The following PPP4R3A variants were observed in gnomAD, a reference collection of about 807,000 sequenced individuals.
The protein encoded by PPP4R3A is protein phosphatase 4 regulatory subunit 3A, also known as serine/threonine-protein phosphatase 4 regulatory subunit 3A.
A neutral mutation model predicts 91.7 loss-of-function variants in PPP4R3A; 15 were observed. That is an observed-to-expected ratio of 0.16 (90% CI 0.11 to 0.25). The LOEUF is 0.25. Ranked by LOEUF, PPP4R3A falls within the 10% of genes least tolerant of loss-of-function variation. The pLI, the probability that PPP4R3A is intolerant of heterozygous loss-of-function variation, is 1.00. For missense variants in PPP4R3A, 623 were observed against 998.4 expected (o/e 0.62, Z 5.07); for synonymous variants, 377 against 348.7 (o/e 1.08, Z -0.91).
Position 91,487,899 on chromosome 14 carries a change from G to A in PPP4R3A, c.199-2169C>T, listed in dbSNP as rs182934041. Among the ~76,000 whole-genome samples, 16 of 152,302 alleles carry A rather than the reference G, an allele frequency of 1.1e-4. No individual in the cohort carries two copies. The East Asian group carries it at 2.3e-3, about 22-fold the overall frequency. ...GCCCAATGTTTGTATTTTTTGTAGA[G>A]GCGGAGTTATGCCATGTTGCCCAGG... is the stretch of plus-strand genomic sequence containing the variant. On this transcript the variant is annotated intron_variant, in intron 2 of 14. Coordinates refer to ENST00000554943, the MANE Select transcript of PPP4R3A (RefSeq NM_001366432.2).
chr14:91,478,194 C>G (rs1479449872), intron 4 of PPP4R3A, among the ~76,000 whole-genome samples: 1 of 152,184 alleles, frequency 6.6e-6, no homozygotes, highest in Non-Finnish European at 1.5e-5. Context: ...ATGATCTTGA[C>G]CATGTTTGCT....
chr14:91,495,450 G>A (rs1890499326), intron 1 of PPP4R3A, among the ~76,000 whole-genome samples: 1 of 151,984 alleles, frequency 6.6e-6, no homozygotes, highest in Admixed American at 6.6e-5. Flanking sequence ...GAGTAGCTGG[G>A]ACTACAGGCA....
At chr14:91,478,220 A>G (rs1238262983) in intron 4 of PPP4R3A, among the ~76,000 whole-genome samples, 1 of 152,232 alleles carries the variant, frequency 6.6e-6, no homozygotes, top group Non-Finnish European at 1.5e-5. Context: ...AATGGCATCC[A>G]ATTTCAAGAC....
At chr14:91,469,597 GTCTC>G (rs1214461815) in intron 10 of PPP4R3A, among the ~76,000 whole-genome samples, 2 of 152,198 alleles carry the variant, frequency 1.3e-5, no homozygotes, top group African/African-American at 4.8e-5. Context: ...GGGAGACAGT[GTCTC>G]TCTGTTGCCC....
intron 5 of PPP4R3A, among the ~76,000 whole-genome samples, 187 bp downstream of exon 5, chr14:91,476,722 T>C (rs113112338): frequency 6.6e-6 from 1 of 152,196 alleles, no homozygotes; most frequent in Non-Finnish European, 1.5e-5. Flanking sequence ...CCCGCCACCA[T>C]GCTTGGCTAA....
Position 91,457,738 on chromosome 14 carries a change from A to G in PPP4R3A, c.*1021T>C, listed in dbSNP as rs1324314617. ...AGAAATTTCAGAATCTCTTTGGAATACTAATTTCATGTTTCTAGATTTAAC... is the reference window on the plus strand; with the variant it reads ...AGAAATTTCAGAATCTCTTTGGAATGCTAATTTCATGTTTCTAGATTTAAC... On this transcript the variant is annotated 3_prime_UTR_variant, in exon 15 of 15. Coordinates refer to ENST00000554943, the MANE Select transcript of PPP4R3A (RefSeq NM_001366432.2). 6.6e-6 allele frequency: 1 copy of G among 152,662 alleles called. No homozygotes were observed. The highest frequency in any genetic ancestry group is 1.5e-5 in the Non-Finnish European group (1 of 68,032). The allele number at this position is 152,662 out of a possible 1,614,324, so 9.5% of individuals were successfully genotyped here.
chr14:91,481,189 G>C (rs966124532), intron 4 of PPP4R3A, among the ~76,000 whole-genome samples: 2 of 152,162 alleles, frequency 1.3e-5, no homozygotes, highest in African/African-American at 4.8e-5. Context: ...AAAATTGGCT[G>C]GGGGTGGTGG....
chr14:91,464,508 A>C (rs1210577026), intron 11 of PPP4R3A, among the ~76,000 whole-genome samples: 1 of 152,166 alleles, frequency 6.6e-6, no homozygotes, highest in African/African-American at 2.4e-5. Flanking sequence ...ATGCACCTCC[A>C]GTCTCAATTA....
At chr14:91,506,041 G>A (rs968062789) in intron 1 of PPP4R3A, among the ~76,000 whole-genome samples, 2 of 151,770 alleles carry the variant, frequency 1.3e-5, no homozygotes, top group African/African-American at 4.8e-5. Context: ...CGCCTCCTGT[G>A]TTCACACCAT....
chr14:91,493,076 C>CAATAA (rs1890319639), intron 1 of PPP4R3A, among the ~76,000 whole-genome samples: 1 of 151,822 alleles, frequency 6.6e-6, no homozygotes, highest in South Asian at 2.1e-4. Context: ...CATAAAATAA[C>CAATAA]AATAAAATAA....
intron 1 of PPP4R3A, among the ~76,000 whole-genome samples, chr14:91,499,301 CA>C (rs895281270): frequency 4.0e-5 from 6 of 150,986 alleles, no homozygotes; most frequent in Non-Finnish European, 7.4e-5. Context: ...GAAAACAAAA[CA>C]AAAAAAAGTC....
intron 11 of PPP4R3A, among the ~76,000 whole-genome samples, chr14:91,463,673 A>C (rs766991558): frequency 6.6e-6 from 1 of 151,958 alleles, no homozygotes; most frequent in Admixed American, 6.6e-5. Context: ...TCCTGGCCTA[A>C]AGCAATCCTC....
chr14:91,509,806 G>T lies in PPP4R3A; in HGVS notation c.-159C>A. 8.1e-7 allele frequency: 1 copy of T among 1,227,108 alleles called. No homozygotes were observed. The highest frequency in any genetic ancestry group is 1.0e-6 in the Non-Finnish European group (1 of 987,796). 76.0% of individuals were successfully genotyped at this position (1,227,108 alleles called of 1,614,324 possible). A position where few individuals can be genotyped will look rare whatever the true frequency, so the allele number is the denominator to read the frequency against. ...CGCGGGGCCGCGCCGCCGCCTGCATGGCCCGCTCCAGGGACCGAGCTCTGG... is the reference window on the plus strand; with the variant it reads ...CGCGGGGCCGCGCCGCCGCCTGCATTGCCCGCTCCAGGGACCGAGCTCTGG... On this transcript the variant is annotated 5_prime_UTR_variant, in exon 1 of 15. Transcript: ENST00000554943.
rs1567148806 is a variant in PPP4R3A, at chr14:91,470,783, T to TA, written c.1660+53dup. ...GTCTTTTCATTTGGGCAATAAGATG[T>TA]AAAAAATACCAACATGTCAATATAC... On this transcript the variant is annotated intron_variant, in intron 10 of 14. Transcript: ENST00000554943. The TA allele has an allele frequency of 5.7e-6, 9 of 1,574,528 alleles. No individual in the cohort carries two copies. The East Asian group carries it at 1.1e-4, about 20-fold the overall frequency.
intron 1 of PPP4R3A, among the ~76,000 whole-genome samples, chr14:91,507,521 C>CTATAGTTATATATACTATATATTATA (rs1566660805): frequency 4.1e-4 from 56 of 135,604 alleles, no homozygotes; most frequent in African/African-American, 1.3e-3. Flanking sequence ...ATTATATATA[C>CTATAGTTATATATACTATATATTATA]TATAGTTATA....
At chr14:91,489,061 C>T (rs1890077613) in intron 2 of PPP4R3A, among the ~76,000 whole-genome samples, 1 of 152,054 alleles carries the variant, frequency 6.6e-6, no homozygotes, top group Non-Finnish European at 1.5e-5. Context: ...GTACCCGCCA[C>T]CACGCCCAGC....
In PPP4R3A at chr14:91,458,861, G is replaced by T; in HGVS notation, c.2400C>A (p.Leu800=). 2 of 1,610,764 alleles carry T rather than the reference G, an allele frequency of 1.2e-6. No homozygotes were observed. Among genetic ancestry groups the T allele is most frequent in the Non-Finnish European group, 1.7e-6 (2 of 1,178,682 alleles). ...CATCAGGATAATCTACCAGACCCAC[G>T]AGGCCTCCCTGTTAAGAAATAAGGA... The part of the protein sequence containing the change: ...QTAAITTKGG[L]VGLVDYPDDD... The change falls in exon 15 of 15, where the codon CTC becomes CTA. Residue 800 remains leucine, a synonymous_variant. Coordinates refer to ENST00000554943, the MANE Select transcript of PPP4R3A (RefSeq NM_001366432.2).
intron 4 of PPP4R3A, among the ~76,000 whole-genome samples, chr14:91,478,311 T>A (rs2140105638): frequency 6.6e-6 from 1 of 152,170 alleles, no homozygotes; most frequent in African/African-American, 2.4e-5. Flanking sequence ...CAGTTGGGGG[T>A]ACAGAAATAG....
rs1889581499 is a variant in PPP4R3A at position 91,481,904 on chromosome 14, A to T, written c.587T>A (p.Ile196Asn). The T allele has an allele frequency of 1.9e-6, 3 of 1,613,952 alleles. No homozygotes were observed. The highest frequency in any genetic ancestry group is 3.3e-5 in the Admixed American group (2 of 59,964). ...IEGLHHLYEI[I>N]KGIFLLNRTA... ...TCGATTCAAGAGAAAGATGCCTTTG[A>T]TAATTTCATACAAGTGGTGCAGTCC... Residue 196 changes from isoleucine (I) to asparagine (N), a missense_variant, in exon 4 of 15, where the codon ATC becomes AAC. This residue lies in a region of PPP4R3A where 264 missense variants were observed against 377.3 expected (regional missense o/e 0.70). Transcript: ENST00000554943.
Sources: allele counts gnomAD v4.1 joint callset (sites outside exome capture counted in the v4.1 genomes callset), GRCh38; gene constraint gnomAD v4.1.1; regional missense constraint gnomAD v4.1.1; transcripts MANE v1.5; gene names NCBI Gene and HGNC (gene_info 2026-07-23, HGNC 2026-07-21).